Variants in LHFPL6 observed in about 807,000 individuals in gnomAD.
The protein encoded by LHFPL6 is LHFPL tetraspan subfamily member 6 protein.
In LHFPL6, 9 loss-of-function variants were observed where a neutral mutation model predicts 20.6. That is an observed-to-expected ratio of 0.44 (90% CI 0.26 to 0.76). The LOEUF is 0.76. Ranked by LOEUF, LHFPL6 falls within the 30% of genes least tolerant of loss-of-function variation. The probability of loss-of-function intolerance (pLI) is 0.20; values close to 1 mark genes in which losing one functional copy is unlikely to be tolerated. For missense variants in LHFPL6, 218 were observed against 253.5 expected, an observed-to-expected ratio of 0.86 and a Z score of 0.95; for synonymous variants, 105 against 98.7, an observed-to-expected ratio of 1.06 and a Z score of -0.38.
intron 2 of LHFPL6, among the ~76,000 whole-genome samples, chr13:39,532,651 A>G (rs992682606): frequency 6.6e-6 from 1 of 152,202 alleles, no homozygotes; most frequent in African/African-American, 2.4e-5. Flanking sequence ...AATAGATGAG[A>G]TATAGTCATC....
rs146175998 is a variant in LHFPL6 at position 39,554,297 on chromosome 13, T to C, written c.385+46535A>G. On this transcript the variant is annotated intron_variant, in intron 2 of 3. Transcript: ENST00000379589. ...CACAAGTAAAAGTCTTCATCATTTG[T>C]CTTCTAAAAGGTCTCCTTTCCTCAT... Among the ~76,000 whole-genome samples the C allele has an allele frequency of 2.9e-3, 439 of 152,350 alleles. 2 individuals carry two copies. The highest frequency in any genetic ancestry group is 0.01 in the African/African-American group (418 of 41,578).
At chr13:39,582,584 C>T (rs1202297775) in intron 2 of LHFPL6, among the ~76,000 whole-genome samples, 1 of 152,098 alleles carries the variant, frequency 6.6e-6, no homozygotes, top group African/African-American at 2.4e-5. Context: ...CTGAACGTAC[C>T]CTTGCCTGGC....
At chr13:39,514,039 A>G (rs1301661829) in intron 2 of LHFPL6, among the ~76,000 whole-genome samples, 2 of 152,136 alleles carry the variant, frequency 1.3e-5, no homozygotes, top group Admixed American at 1.3e-4. Flanking sequence ...CATCTCAGGG[A>G]GAACCTGAGT....
At chr13:39,480,293 T>C (rs1349887021) in intron 2 of LHFPL6, among the ~76,000 whole-genome samples, 1 of 152,186 alleles carries the variant, frequency 6.6e-6, no homozygotes, top group Non-Finnish European at 1.5e-5. Flanking sequence ...CACTTATTAC[T>C]CAAAACAAGA....
chr13:39,427,058 A>G (rs1440890173), intron 2 of LHFPL6, among the ~76,000 whole-genome samples: 1 of 105,872 alleles, frequency 9.4e-6, no homozygotes, highest in African/African-American at 3.9e-5. Flanking sequence ...GCATCTTTGT[A>G]AAAAAAAAAA....
At chr13:39,508,091 G>T (rs1301908491) in intron 2 of LHFPL6, among the ~76,000 whole-genome samples, 2 of 151,594 alleles carry the variant, frequency 1.3e-5, no homozygotes, top group Admixed American at 6.6e-5. Context: ...CGCCATCTCG[G>T]CTCACTGCAA....
chr13:39,372,169 C>A (rs1195946967), intron 3 of LHFPL6, among the ~76,000 whole-genome samples: 6 of 152,146 alleles, frequency 3.9e-5, no homozygotes, highest in Admixed American at 3.9e-4. Flanking sequence ...TGGAAAACAT[C>A]TTTGAGCTCC....
intron 2 of LHFPL6, among the ~76,000 whole-genome samples, chr13:39,551,896 A>G (rs968515998): frequency 1.3e-5 from 2 of 152,166 alleles, no homozygotes; most frequent in African/African-American, 4.8e-5. Context: ...TAATATTTTT[A>G]TATTTTTAGG....
At chr13:39,427,130 GTGATTT>G (rs1871665287) in intron 2 of LHFPL6, among the ~76,000 whole-genome samples, 2 of 150,646 alleles carry the variant, frequency 1.3e-5, no homozygotes, top group Non-Finnish European at 2.9e-5. Flanking sequence ...TTTATTTGAA[GTGATTT>G]TGTATCCTGA....
chr13:39,587,906 C>T (rs1056516261), intron 2 of LHFPL6, among the ~76,000 whole-genome samples: 1 of 151,960 alleles, frequency 6.6e-6, no homozygotes, highest in East Asian at 1.9e-4. Context: ...GGAGGAGGAA[C>T]CATGCCCACG....
intron 2 of LHFPL6, among the ~76,000 whole-genome samples, chr13:39,551,081 C>A (rs546136609): frequency 1.7e-4 from 26 of 152,194 alleles, no homozygotes; most frequent in African/African-American, 5.8e-4. Flanking sequence ...TATTCTTTTG[C>A]TAATAGCAAC....
intron 2 of LHFPL6, among the ~76,000 whole-genome samples, chr13:39,562,441 T>TATAC (rs1566142025): frequency 9.1e-5 from 9 of 99,142 alleles, no homozygotes; most frequent in East Asian, 7.5e-4. Context: ...CATATATACA[T>TATAC]ATATACACAT....
At chr13:39,380,463 ACATTACCACATGAG>A (rs1196646584) in intron 2 of LHFPL6, among the ~76,000 whole-genome samples, 3 of 151,776 alleles carry the variant, frequency 2.0e-5, no homozygotes, top group Non-Finnish European at 4.4e-5. Flanking sequence ...CCCATTGCTC[ACATTACCACATGAG>A]CTCTGCCTCC....
At chr13:39,525,246 T>G (rs1275917791) in intron 2 of LHFPL6, among the ~76,000 whole-genome samples, 7 of 152,096 alleles carry the variant, frequency 4.6e-5, no homozygotes, top group South Asian at 2.1e-4. Context: ...CATTACAGAC[T>G]CTAATCATGG....
intron 2 of LHFPL6, among the ~76,000 whole-genome samples, chr13:39,560,225 A>G (rs572145884): frequency 1.3e-5 from 2 of 152,378 alleles, no homozygotes; most frequent in Non-Finnish European, 2.9e-5. Context: ...TAGTGCTTCA[A>G]TGAATTAAAT....
chr13:39,475,727 C>G (rs1160799664), intron 2 of LHFPL6, among the ~76,000 whole-genome samples: 2 of 152,062 alleles, frequency 1.3e-5, no homozygotes, highest in African/African-American at 4.8e-5. Context: ...CTGGGAGATG[C>G]CAGTGTACAC....
At chr13:39,378,060 T>A (rs1870338943) in intron 3 of LHFPL6, among the ~76,000 whole-genome samples, 1 of 152,238 alleles carries the variant, frequency 6.6e-6, no homozygotes, top group African/African-American at 2.4e-5. Flanking sequence ...GCTTGTATTA[T>A]CATTTCCTTG....
At chr13:39,441,225 A>G (rs1178389641) in intron 2 of LHFPL6, among the ~76,000 whole-genome samples, 1 of 131,036 alleles carries the variant, frequency 7.6e-6, no homozygotes, top group Non-Finnish European at 1.5e-5. Flanking sequence ...AAACTATCCT[A>G]TCCTCCTGCC....
intron 2 of LHFPL6, among the ~76,000 whole-genome samples, chr13:39,454,153 C>T (rs1057345335): frequency 8.5e-5 from 13 of 152,148 alleles, no homozygotes; most frequent in Non-Finnish European, 1.5e-4. Context: ...CTCAAACTAT[C>T]GGTATAATCT....
Sources: allele counts gnomAD v4.1 joint callset (sites outside exome capture counted in the v4.1 genomes callset), GRCh38; gene constraint gnomAD v4.1.1; transcripts MANE v1.5; gene names NCBI Gene and HGNC (gene_info 2026-07-23, HGNC 2026-07-21).